NSD1: variants seen among roughly 807,000 people sequenced by gnomAD.
The protein encoded by NSD1 is histone-lysine N-methyltransferase, H3 lysine-36 specific.
A neutral mutation model predicts 242.7 loss-of-function variants in NSD1; 26 were observed. That is an observed-to-expected ratio of 0.11 (90% confidence interval 0.08 to 0.15). The LOEUF (loss-of-function observed/expected upper bound fraction) is 0.15. Ranked by LOEUF, NSD1 falls within the 10% of genes least tolerant of loss-of-function variation. The probability of loss-of-function intolerance (pLI) is 1.00; values close to 1 mark genes in which losing one functional copy is unlikely to be tolerated. For missense variants in NSD1, 2,495 were observed against 3,272.8 expected (o/e 0.76, Z 5.80); for synonymous variants, 1,106 against 1,178.1 (o/e 0.94, Z 1.25).
Position 177,211,456 on chromosome 5 carries a change from C to A in NSD1, c.3057C>A (p.Arg1019=). ...GTCGTTCAGACTGTGTTACTAGGCGCAACTGTGGACGATCAAAGCCTTCAT... is the reference window on the plus strand; with the variant it reads ...GTCGTTCAGACTGTGTTACTAGGCGAAACTGTGGACGATCAAAGCCTTCAT... The part of the protein sequence containing the change: ...GKSRSDCVTR[R]NCGRSKPSSK... The change falls in exon 5 of 23, where the codon CGC becomes CGA. Residue 1019 remains arginine (R), a synonymous_variant. Coordinates refer to ENST00000439151, the MANE Select transcript of NSD1 (RefSeq NM_022455.5). The A allele has an allele frequency of 6.2e-7, 1 of 1,614,136 alleles. No individual in the cohort carries two copies. The highest frequency in any genetic ancestry group is 8.5e-7 in the Non-Finnish European group (1 of 1,180,040).
intron 2 of NSD1, among the ~76,000 whole-genome samples, chr5:177,176,884 T>A (rs1455918792): frequency 6.6e-6 from 1 of 152,180 alleles, no homozygotes; most frequent in Non-Finnish European, 1.5e-5. Flanking sequence ...TTCTTGGGGA[T>A]CAGTCAGAAG....
At position 177,219,332 on chromosome 5, in the gene NSD1, C is replaced by T. The variant is rs549711088; in HGVS notation, c.3796+7137C>T. ...TCCCAAGTAGCTGGGATTACAGGTG[C>T]CTGCCACCACGCCCGGCTAATTTTT... On this transcript the variant is annotated intron_variant, in intron 5 of 22. Transcript: ENST00000439151. Among the ~76,000 whole-genome samples, 5 of 151,742 alleles carry T rather than the reference C, an allele frequency of 3.3e-5. No individual in the cohort carries two copies. The South Asian group carries it at 1.0e-3, about 32-fold the overall frequency.
intron 2 of NSD1, chr5:177,137,227 A>G: frequency 3.7e-6 from 1 of 272,512 alleles, no homozygotes; most frequent in Non-Finnish European, 6.8e-6. Flanking sequence ...AGCTTTAAAT[A>G]TTAATATTTG....
At chr5:177,135,066 T>A in intron 1 of NSD1, 21 bp from the exon 2 acceptor site, 2 of 1,604,790 alleles carry the variant, frequency 1.2e-6, no homozygotes, top group Non-Finnish European at 1.7e-6. Flanking sequence ...TCAGATTAAT[T>A]GCTGTGCTTT....
chr5:177,269,573 GT>G lies in NSD1; in HGVS notation c.5304-25del, dbSNP rs1562280521. The G allele has an allele frequency of 3.7e-6, 6 of 1,608,466 alleles. No individual in the cohort carries two copies. Among genetic ancestry groups the G allele is most frequent in the Non-Finnish European group, 5.1e-6 (6 of 1,175,056 alleles). On this transcript the variant is annotated intron_variant, in intron 15 of 22. Coordinates refer to ENST00000439151, the MANE Select transcript of NSD1 (RefSeq NM_022455.5). This position sits in a 1 kb window ranked among gnomAD's most constrained non-coding sequence, Gnocchi z 5.1. ...CCTAATGCCTTGCAGCCTTCTAGAG[GT>G]TTTCCTTCTCCTTTTCACCTTTCCC...
chr5:177,266,973 T>C (rs970171785), intron 14 of NSD1, among the ~76,000 whole-genome samples: 4 of 152,218 alleles, frequency 2.6e-5, no homozygotes, highest in African/African-American at 9.6e-5. Context: ...CAAGCAATTC[T>C]CCTGTCTTAG....
At chr5:177,284,050 T>C in intron 20 of NSD1, 122 bp downstream of exon 20, 2 of 1,246,760 alleles carry the variant, frequency 1.6e-6, no homozygotes, top group Non-Finnish European at 2.3e-6. Context: ...TGGAATTAAG[T>C]TCATTTACAT....
chr5:177,254,667 C>A (rs1008390692), intron 12 of NSD1, among the ~76,000 whole-genome samples: 3 of 152,084 alleles, frequency 2.0e-5, no homozygotes, highest in Non-Finnish European at 2.9e-5. Flanking sequence ...CCCAAACTCC[C>A]AAAGGGCTGG....
chr5:177,217,752 C>T (rs1416519290), intron 5 of NSD1, among the ~76,000 whole-genome samples: 1 of 149,796 alleles, frequency 6.7e-6, no homozygotes, highest in Admixed American at 6.7e-5. Flanking sequence ...ACTGCAACCT[C>T]CACCTCCCTC....
intron 2 of NSD1, among the ~76,000 whole-genome samples, chr5:177,182,992 G>A (rs1760822312): frequency 6.6e-6 from 1 of 151,972 alleles, no homozygotes; most frequent in Admixed American, 6.6e-5. Context: ...GCCAAGTATG[G>A]TCCTGAAGTC....
Position 177,211,631 on chromosome 5 carries a change from T to C in NSD1, c.3232T>C (p.Leu1078=). Residue 1078 remains leucine, a synonymous_variant, in exon 5 of 23, where the codon TTG becomes CTG. Coordinates refer to ENST00000439151, the MANE Select transcript of NSD1 (RefSeq NM_022455.5). Reference sequence around the variant, plus strand: ...GGGAGACCGAGAACGTGGAGGTTCATTGAGAGGTGGGGCAGAAGATCCTAG... The same window carrying C: ...GGGAGACCGAGAACGTGGAGGTTCACTGAGAGGTGGGGCAGAAGATCCTAG... ...LQGDRERGGS[L]RGGAEDPSKE... The C allele has an allele frequency of 6.2e-7, 1 of 1,614,028 alleles. No homozygotes were observed. Among genetic ancestry groups the C allele is most frequent in the East Asian group, 2.2e-5 (1 of 44,880 alleles).
At chr5:177,241,819 C>G (rs561232161) in intron 8 of NSD1, among the ~76,000 whole-genome samples, 16 of 152,260 alleles carry the variant, frequency 1.1e-4, no homozygotes, top group African/African-American at 3.9e-4. Flanking sequence ...AGGCTAAAGC[C>G]ATGATTCAGT....
intron 2 of NSD1, among the ~76,000 whole-genome samples, chr5:177,181,268 G>T (rs1325343746): frequency 2.6e-5 from 4 of 151,944 alleles, no homozygotes; most frequent in Admixed American, 6.6e-5. Context: ...CGGTGACAGT[G>T]ACAGAGCAAG....
chr5:177,200,594 C>G lies in NSD1; in HGVS notation c.1064-3526C>G, dbSNP rs551764168. ...ACCATAGCCCTTGGTAACCACTGTT[C>G]TGTGTTTTTTTTCCTTATAAATTTG... On this transcript the variant is annotated intron_variant, in intron 3 of 22. Transcript: ENST00000439151. Among the ~76,000 whole-genome samples, 6 of 152,322 alleles carry G rather than the reference C, an allele frequency of 3.9e-5. No homozygotes were observed. The South Asian group carries it at 6.2e-4, about 16-fold the overall frequency.
intron 2 of NSD1, among the ~76,000 whole-genome samples, chr5:177,142,601 G>A (rs896487319): frequency 1.3e-5 from 2 of 152,158 alleles, no homozygotes; most frequent in Non-Finnish European, 2.9e-5. Context: ...GGAGATAAAG[G>A]TATAAAGATA....
At chr5:177,279,610 A>ATTTTTTTTTT (rs536478404) in intron 17 of NSD1, among the ~76,000 whole-genome samples, 8 of 95,416 alleles carry the variant, frequency 8.4e-5, no homozygotes, top group African/African-American at 1.5e-4. Flanking sequence ...AGCTTTGAAA[A>ATTTTTTTTTT]TTTTTTTTTT....
intron 2 of NSD1, among the ~76,000 whole-genome samples, chr5:177,150,370 A>G (rs1467771504): frequency 2.0e-5 from 3 of 152,066 alleles, no homozygotes; most frequent in African/African-American, 4.8e-5. Context: ...AGTTCAGGGA[A>G]TCCACCGCCT....
chr5:177,247,853 T>C, intron 10 of NSD1: 1 of 921,376 alleles, frequency 1.1e-6, no homozygotes, highest in Non-Finnish European at 1.3e-6. Flanking sequence ...AGGGGCATTA[T>C]TTAGGAAACA....
intron 2 of NSD1, among the ~76,000 whole-genome samples, chr5:177,185,807 A>ATATATAT (rs1419305135): frequency 2.3e-5 from 2 of 86,502 alleles, no homozygotes; most frequent in African/African-American, 1.1e-4. Flanking sequence ...ATATATATAT[A>ATATATAT]AATTTATATA....
Sources: allele counts gnomAD v4.1 joint callset (sites outside exome capture counted in the v4.1 genomes callset), GRCh38; gene constraint gnomAD v4.1.1; non-coding constraint Gnocchi (gnomAD v3.1); transcripts MANE v1.5; gene names NCBI Gene and HGNC (gene_info 2026-07-23, HGNC 2026-07-21).